Variants in AATK observed in about 807,000 individuals in gnomAD.
The protein encoded by AATK is serine/threonine-protein kinase LMTK1.
In AATK, 91 loss-of-function variants were observed where a neutral mutation model predicts 114.3. The observed-to-expected ratio is 0.80, with a 90% CI of 0.67 to 0.95. The LOEUF is 0.95. AATK is among the 40% of genes least tolerant of loss of function. The pLI, the probability that AATK is intolerant of heterozygous loss-of-function variation, is 0.00. For missense variants in AATK, 2,176 were observed against 1,965.2 expected (o/e 1.11, Z -2.03); for synonymous variants, 1,075 against 916.5 (o/e 1.17, Z -3.12).
intron 4 of AATK, 124 bp from the exon 5 acceptor site, chr17:81,128,034 C>T (rs1217379258): frequency 3.8e-5 from 45 of 1,198,478 alleles, no homozygotes; most frequent in Middle Eastern, 2.9e-4. Flanking sequence ...TCCTGTGCCC[C>T]GTCCACTCAT....
chr17:81,160,105 C>T lies in AATK; in HGVS notation c.55+5833G>A, dbSNP rs775976319. The stretch of plus-strand genomic sequence containing the variant: ...TGCCCAGAATCGCCCACTGCAGAGG[C>T]CCTGCCTGCTCTGGCACGGCCACCT... On this transcript the variant is annotated intron_variant, in intron 1 of 13. Coordinates refer to ENST00000326724, the MANE Select transcript of AATK (RefSeq NM_001080395.3). 24 of 291,946 alleles carry T rather than the reference C, an allele frequency of 8.2e-5. 1 individual carries two copies. Among genetic ancestry groups the T allele is most frequent in the East Asian group, 1.7e-4 (1 of 5,720 alleles). 18.1% of individuals were successfully genotyped at this position (291,946 alleles called of 1,614,324 possible).
intron 1 of AATK, among the ~76,000 whole-genome samples, chr17:81,161,339 G>A (rs985860271): frequency 1.3e-5 from 2 of 152,126 alleles, no homozygotes; most frequent in African/African-American, 2.4e-5. Flanking sequence ...TCCTTCCCGC[G>A]TGCACGCCAC....
rs111985811 is a variant in AATK at position 81,161,690 on chromosome 17, A to C, written c.55+4248T>G. The stretch of plus-strand genomic sequence containing the variant: ...GGACCCCATTTCAGAGGTGAAACAG[A>C]CACAGAGAAGTTATGAGACCTGTCC... On this transcript the variant is annotated intron_variant, in intron 1 of 13. Coordinates refer to ENST00000326724, the MANE Select transcript of AATK (RefSeq NM_001080395.3). Among the ~76,000 whole-genome samples the C allele has an allele frequency of 7.5e-4, 114 of 152,236 alleles. 1 individual carries two copies. The highest frequency in any genetic ancestry group is 2.3e-3 in the African/African-American group (94 of 41,542).
chr17:81,128,143 C>CCTCT (rs35548893), intron 4 of AATK, among the ~76,000 whole-genome samples: 6 of 150,688 alleles, frequency 4.0e-5, no homozygotes, highest in Non-Finnish European at 7.4e-5. Context: ...CCCCCGCTGC[C>CCTCT]CTCTCTCTCT....
chr17:81,141,374 C>T (rs1158525051), intron 1 of AATK, among the ~76,000 whole-genome samples: 1 of 152,180 alleles, frequency 6.6e-6, no homozygotes, highest in Non-Finnish European at 1.5e-5. Context: ...TTGCTGGAAC[C>T]CAGGAGACGG....
In AATK at chr17:81,120,862, A is replaced by G. The variant is rs1476157237; in HGVS notation, c.3074T>C (p.Leu1025Pro). ...CGGCTGCCCAGTGCTCGGCAGGCCC[A>G]GCTCTGGCCCGGGGGCTCGGTCCCC... Reference protein sequence around the residue: ...CGGDRAPGPELGLPSTGQPSE... With the variant: ...CGGDRAPGPEPGLPSTGQPSE... The change falls in exon 11 of 14, where the codon CTG (leucine) becomes CCG (proline). Residue 1025 changes from leucine (L) to proline (P), a missense_variant. Leu to Pro is a moderately conservative substitution (Grantham distance 98). Coordinates refer to ENST00000326724, the MANE Select transcript of AATK (RefSeq NM_001080395.3). 6.3e-7 allele frequency: 1 copy of G among 1,578,918 alleles called. No individual in the cohort carries two copies. The highest frequency in any genetic ancestry group is 1.8e-5 in the Admixed American group (1 of 55,354).
chr17:81,120,434 T>A lies in AATK; in HGVS notation c.3502A>T (p.Ser1168Cys). Residue 1168 changes from serine (S) to cysteine (C), a missense_variant, in exon 11 of 14, where the codon AGC (serine) becomes TGC (cysteine). Physicochemically the swap from Ser to Cys is moderately radical, Grantham distance 112. This residue lies in a region of AATK where 1,701 missense variants were observed against 1,394.7 expected (regional missense o/e 1.22). Transcript: ENST00000326724. ...CGGAGCTCCTCGTCAGACTCGTCGC[T>A]GTCCTCACTGTCCTCCTCCTCCTCC... ...PEEEEEDSED[S>C]DESDEELRCY... 1.3e-6 allele frequency: 2 copies of A among 1,571,362 alleles called. No homozygotes were observed. The highest frequency in any genetic ancestry group is 2.3e-5 in the South Asian group (2 of 86,502).
chr17:81,160,610 T>C (rs1248092403), intron 1 of AATK, among the ~76,000 whole-genome samples: 1 of 151,446 alleles, frequency 6.6e-6, no homozygotes. Context: ...GGGACGGGAG[T>C]CTCCCCACCA....
Position 81,124,972 on chromosome 17 carries a change from C to CGTCAG in AATK, c.793_797dup (p.Val267Ter). On this transcript the variant is annotated stop_gained and frameshift_variant, in exon 8 of 14. Transcript: ENST00000326724. LOFTEE classifies it high-confidence loss of function. ...CCAGGCCATAGTCACCAATCTTCAC[C>CGTCAG]GTCAGGTCAGCCGTGAGCAGGCAGT... The CGTCAG allele has an allele frequency of 6.3e-7, 1 of 1,580,640 alleles. No homozygotes were observed. The highest frequency in any genetic ancestry group is 8.6e-7 in the Non-Finnish European group (1 of 1,163,866).
Position 81,120,444 on chromosome 17 carries a change from GTCCTCCTCC to G in AATK, c.3483_3491del (p.Glu1161_Glu1163del). 1.3e-6 allele frequency: 2 copies of G among 1,565,330 alleles called. No individual in the cohort carries two copies. Among genetic ancestry groups the G allele is most frequent in the Admixed American group, 1.8e-5 (1 of 55,884 alleles). ...CGTCAGACTCGTCGCTGTCCTCACT[GTCCTCCTCC>G]TCCTCCTCCGGCCGGCCCTCCAAGG... On this transcript the variant is annotated inframe_deletion, in exon 11 of 14. Transcript: ENST00000326724.
chr17:81,120,107 G>A (rs776528669), intron 11 of AATK, 24 bp from the exon 12 acceptor site: 1 of 1,465,134 alleles, frequency 6.8e-7, no homozygotes. Context: ...AGAGCACCAG[G>A]TAGCTCGGCC....
intron 1 of AATK, among the ~76,000 whole-genome samples, chr17:81,164,218 C>T (rs2061458785): frequency 6.6e-6 from 1 of 152,224 alleles, no homozygotes; most frequent in Admixed American, 6.5e-5. Flanking sequence ...AGAGGGACTG[C>T]AGCACAGGAC....
Position 81,122,552 on chromosome 17 carries a change from C to A in AATK, c.1384G>T (p.Gly462Cys). The A allele has an allele frequency of 6.8e-7, 1 of 1,475,754 alleles. No homozygotes were observed. 91.4% of individuals were successfully genotyped at this position (1,475,754 alleles called of 1,614,324 possible). A position where few individuals can be genotyped will look rare whatever the true frequency, so the allele number is the denominator to read the frequency against. The change falls in exon 11 of 14, where the codon GGC becomes TGC. Residue 462 changes from glycine (G) to cysteine (C), a missense_variant. Transcript: ENST00000326724. ...TCGGTCACCGTCAGCACGTCGTCGC[C>A]GTCCGCGTGGAAGCCGTCGCCCGCG... ...QFAGDGFHADGDDVLTVTETS... is the reference protein window; with the variant it reads ...QFAGDGFHADCDDVLTVTETS...
In AATK at chr17:81,140,934, C is replaced by CGTG. The variant is rs1425618544; in HGVS notation, c.56-6434_56-6433insCAC. ...CCGTGGGGCCGTGGGACCGTGGGAC[C>CGTG]ATGGGGCCGTGAGCCGTGGGGACCG... On this transcript the variant is annotated intron_variant, in intron 1 of 13. Coordinates refer to ENST00000326724, the MANE Select transcript of AATK (RefSeq NM_001080395.3). 8.9e-4 allele frequency among the ~76,000 whole-genome samples: 84 copies of CGTG among 94,734 alleles called. 1 individual carries two copies. Among genetic ancestry groups the CGTG allele is most frequent in the South Asian group, 5.7e-3 (14 of 2,442 alleles). The allele number at this position is 94,734 out of a possible 152,430, so 62.1% of individuals were successfully genotyped here.
rs574832485 is a variant in AATK, at chr17:81,149,197, A to C, written c.56-14696T>G. Among the ~76,000 whole-genome samples, 4 of 151,742 alleles carry C rather than the reference A, an allele frequency of 2.6e-5. No homozygotes were observed. In the South Asian group the frequency reaches 8.3e-4, roughly 32 times the overall value. On this transcript the variant is annotated intron_variant, in intron 1 of 13. Transcript: ENST00000326724. ...CCGCAGCCCACCCATCCCGGGCTGG[A>C]CCCTCCTCCCCTGAGCTGGTGCAGG... is the stretch of plus-strand genomic sequence containing the variant.
Position 81,121,476 on chromosome 17 carries a change from AGGGGCGTCG to A in AATK, c.2451_2459del (p.Pro820_Ala822del), listed in dbSNP as rs758875420. 3 of 1,573,864 alleles carry A rather than the reference AGGGGCGTCG, an allele frequency of 1.9e-6. No homozygotes were observed. Among genetic ancestry groups the A allele is most frequent in the East Asian group, 2.3e-5 (1 of 43,878 alleles). ...GCGTGGGAGAGTCAGGCAGGGCATC[AGGGGCGTCG>A]GGGGCACTGGCCTCCTCCGAGGGAA... On this transcript the variant is annotated inframe_deletion, in exon 11 of 14. Transcript: ENST00000326724.
chr17:81,159,600 TA>T (rs2061406765), intron 1 of AATK, among the ~76,000 whole-genome samples: 1 of 152,092 alleles, frequency 6.6e-6, no homozygotes, highest in South Asian at 2.1e-4. Flanking sequence ...CAGGACCAAG[TA>T]CCAAGGGAAC....
chr17:81,164,856 C>G (rs1029638919), intron 1 of AATK, among the ~76,000 whole-genome samples: 2 of 152,192 alleles, frequency 1.3e-5, no homozygotes, highest in African/African-American at 4.8e-5. Flanking sequence ...GAGCAAGTGA[C>G]ACCCACAGCC....
chr17:81,134,321 C>T (rs758975617), intron 2 of AATK, 47 bp downstream of exon 2: 1 of 1,608,602 alleles, frequency 6.2e-7, no homozygotes, highest in Non-Finnish European at 8.5e-7. Context: ...CGCTACAGGC[C>T]TTGCCTGCGG....
Sources: gnomAD v4.1 joint callset for allele counts (sites outside exome capture counted in the v4.1 genomes callset) on GRCh38, gnomAD v4.1.1 for gene constraint, gnomAD v4.1.1 regional missense constraint, MANE v1.5 for transcripts, NCBI Gene and HGNC (gene_info 2026-07-23, HGNC 2026-07-21) for gene names.